The following CNBD1 variants were observed in gnomAD, a reference collection of about 807,000 sequenced individuals.
The protein encoded by CNBD1 is cyclic nucleotide binding domain containing 1.
A neutral mutation model predicts 54.4 loss-of-function variants in CNBD1; 71 were observed. The ratio of observed to expected loss-of-function variants is 1.30; its 90% CI spans 1.08 to 1.59. CNBD1 has a LOEUF of 1.59. CNBD1 is among the 40% of genes most tolerant of loss of function. CNBD1 has a pLI of 0.00. For missense variants in CNBD1, 659 were observed against 518.0 expected, an observed-to-expected ratio of 1.27 and a Z score of -2.64; for synonymous variants, 182 against 170.7, an observed-to-expected ratio of 1.07 and a Z score of -0.51.
Position 86,938,532 on chromosome 8 carries a change from T to TGA in CNBD1, c.273-1062_273-1061dup, listed in dbSNP as rs559146897. Among the ~76,000 whole-genome samples, 13 of 152,300 alleles carry TGA rather than the reference T, an allele frequency of 8.5e-5. No homozygotes were observed. In the South Asian group the frequency reaches 2.7e-3, roughly 32 times the overall value. ...CCTCACAATCATGTTCAAAGGCAAA[T>TGA]GAGCAAAGTCATGTCTTACATAGGA... On this transcript the variant is annotated intron_variant, in intron 3 of 10. Coordinates refer to ENST00000518476, the MANE Select transcript of CNBD1 (RefSeq NM_173538.3).
In CNBD1 at chr8:87,060,295, G is replaced by C. The variant is rs148705845; in HGVS notation, c.431+120541G>C. Among the ~76,000 whole-genome samples the C allele has an allele frequency of 2.7e-3, 415 of 152,258 alleles. 3 individuals carry two copies. Among genetic ancestry groups the C allele is most frequent in the African/African-American group, 9.3e-3 (386 of 41,552 alleles). On this transcript the variant is annotated intron_variant, in intron 4 of 10. Transcript: ENST00000518476. ...TACGTTATTTTAAGCTGCTAAGTTT[G>C]TGGCAATTCATTATGCAGCAATAGA...
At chr8:87,357,468 C>T (rs947638668) in intron 10 of CNBD1, among the ~76,000 whole-genome samples, 10 of 152,152 alleles carry the variant, frequency 6.6e-5, no homozygotes, top group Admixed American at 3.3e-4. Context: ...TCAACAGAGA[C>T]GATTTTGGAG....
At chr8:87,000,170 G>A (rs1808963361) in intron 4 of CNBD1, among the ~76,000 whole-genome samples, 1 of 152,030 alleles carries the variant, frequency 6.6e-6, no homozygotes, top group African/African-American at 2.4e-5. Flanking sequence ...GACCCAGGTT[G>A]GAGGTGATTG....
intron 4 of CNBD1, among the ~76,000 whole-genome samples, chr8:87,032,739 T>C (rs1351319168): frequency 6.6e-6 from 1 of 152,234 alleles, no homozygotes; most frequent in East Asian, 1.9e-4. Context: ...TCATTGCCCA[T>C]ATTGTAGAAA....
intron 5 of CNBD1, among the ~76,000 whole-genome samples, chr8:87,232,963 G>C (rs1301346065): frequency 6.6e-6 from 1 of 152,086 alleles, no homozygotes; most frequent in Non-Finnish European, 1.5e-5. Flanking sequence ...ATTAGATACA[G>C]TCTTTTTCAT....
chr8:87,008,487 T>C (rs774557587), intron 4 of CNBD1, among the ~76,000 whole-genome samples: 6 of 152,336 alleles, frequency 3.9e-5, no homozygotes, highest in African/African-American at 1.4e-4. Context: ...GCAGAATTTA[T>C]CCAGTAAAAG....
intron 5 of CNBD1, among the ~76,000 whole-genome samples, chr8:87,224,793 G>T (rs1814439178): frequency 6.6e-6 from 1 of 150,708 alleles, no homozygotes; most frequent in Admixed American, 6.6e-5. Flanking sequence ...GTCATTGGTA[G>T]CTTGATGGGG....
At chr8:86,941,545 G>A (rs1809657053) in intron 4 of CNBD1, among the ~76,000 whole-genome samples, 1 of 152,104 alleles carries the variant, frequency 6.6e-6, no homozygotes, top group Non-Finnish European at 1.5e-5. Flanking sequence ...TAGTGAGATA[G>A]CAGTTTCCAG....
chr8:87,190,510 C>A (rs560504541), intron 4 of CNBD1, among the ~76,000 whole-genome samples: 11 of 152,068 alleles, frequency 7.2e-5, no homozygotes, highest in Admixed American at 7.2e-4. Flanking sequence ...TACCCTCTTT[C>A]GCTCCGAGTT....
At chr8:87,204,689 T>C (rs899677264) in intron 4 of CNBD1, among the ~76,000 whole-genome samples, 1 of 152,122 alleles carries the variant, frequency 6.6e-6, no homozygotes, top group Non-Finnish European at 1.5e-5. Context: ...TACAAATGAT[T>C]GCAGGCAACT....
chr8:87,026,864 C>T (rs938311996), intron 4 of CNBD1, among the ~76,000 whole-genome samples: 62 of 152,268 alleles, frequency 4.1e-4, no homozygotes, highest in African/African-American at 1.4e-3. Flanking sequence ...GACACACAAA[C>T]CAAGATCATT....
intron 4 of CNBD1, among the ~76,000 whole-genome samples, chr8:87,102,112 C>T (rs937711561): frequency 1.3e-5 from 2 of 152,086 alleles, no homozygotes; most frequent in Admixed American, 6.6e-5. Context: ...TGGTCTCGAT[C>T]TCCTGACTTC....
At chr8:87,311,197 A>G (rs1234196231) in intron 8 of CNBD1, among the ~76,000 whole-genome samples, 1 of 152,060 alleles carries the variant, frequency 6.6e-6, no homozygotes, top group Non-Finnish European at 1.5e-5. Flanking sequence ...CACAAACAAT[A>G]TATCCAACAA....
intron 4 of CNBD1, among the ~76,000 whole-genome samples, chr8:87,150,769 C>A (rs1386921945): frequency 6.6e-6 from 1 of 152,032 alleles, no homozygotes; most frequent in Non-Finnish European, 1.5e-5. Flanking sequence ...GAAGTTAGGC[C>A]CCTACTCCCA....
At chr8:87,375,886 T>C (rs1306072876) in intron 10 of CNBD1, among the ~76,000 whole-genome samples, 1 of 151,940 alleles carries the variant, frequency 6.6e-6, no homozygotes, top group African/African-American at 2.4e-5. Context: ...GTCTTTTCCT[T>C]TTTTCAGGCC....
intron 4 of CNBD1, among the ~76,000 whole-genome samples, chr8:87,188,987 GT>G (rs373029558): frequency 1.1e-3 from 160 of 149,012 alleles, no homozygotes; most frequent in Admixed American, 2.5e-3. Context: ...AATGGTGTTC[GT>G]TTTTTTTTCA....
intron 6 of CNBD1, among the ~76,000 whole-genome samples, chr8:87,281,711 A>G (rs1416576866): frequency 1.3e-5 from 2 of 150,108 alleles, no homozygotes; most frequent in Non-Finnish European, 3.0e-5. Context: ...AAGACACTGC[A>G]TACATTTTTT....
chr8:87,152,599 A>AG (rs1023066717), intron 4 of CNBD1, among the ~76,000 whole-genome samples: 1 of 152,112 alleles, frequency 6.6e-6, no homozygotes, highest in African/African-American at 2.4e-5. Flanking sequence ...CCTGAGTGAG[A>AG]GGGCTCTAGA....
At chr8:87,343,439 A>T (rs1810108472) in intron 8 of CNBD1, among the ~76,000 whole-genome samples, 1 of 152,200 alleles carries the variant, frequency 6.6e-6, no homozygotes, top group Non-Finnish European at 1.5e-5. Context: ...GAACTAATAA[A>T]TGTCCATGAA....
Sources: gnomAD v4.1 joint callset for allele counts (sites outside exome capture counted in the v4.1 genomes callset) on GRCh38, gnomAD v4.1.1 for gene constraint, MANE v1.5 for transcripts, NCBI Gene and HGNC (gene_info 2026-07-23, HGNC 2026-07-21) for gene names.